JARID2: variants seen among roughly 807,000 people sequenced by gnomAD.
JARID2 encodes the protein protein Jumonji.
Under a neutral mutation model 125.6 loss-of-function variants are expected in JARID2, and 21 were observed. The ratio of observed to expected loss-of-function variants is 0.17; its 90% CI spans 0.12 to 0.24. The LOEUF is 0.24. Among genes scored for constraint, JARID2 ranks in the 10% least tolerant of loss-of-function variants. JARID2 has a pLI of 1.00. For synonymous variants in JARID2, 736 were observed against 661.6 expected (o/e 1.11, Z -1.73); for missense variants, 1,303 against 1,639.6 (o/e 0.79, Z 3.55).
chr6:15,346,978 C>T (rs1032954745), intron 1 of JARID2, among the ~76,000 whole-genome samples: 1 of 152,104 alleles, frequency 6.6e-6, no homozygotes, highest in Non-Finnish European at 1.5e-5. Flanking sequence ...TTGTGATCTG[C>T]CTGCCTCAGC....
At chr6:15,489,049 A>G (rs910302776) in intron 6 of JARID2, among the ~76,000 whole-genome samples, 7 of 152,228 alleles carry the variant, frequency 4.6e-5, no homozygotes, top group African/African-American at 1.7e-4. Context: ...AGAATTGTAC[A>G]GAACTCTCCA....
At chr6:15,310,171 G>T (rs570635425) in intron 1 of JARID2, among the ~76,000 whole-genome samples, 5 of 152,072 alleles carry the variant, frequency 3.3e-5, no homozygotes, top group Non-Finnish European at 7.4e-5. Context: ...CAGAGGTGCC[G>T]CACAAATGCC....
chr6:15,437,568 TTTTCTC>T (rs1156735779), intron 3 of JARID2, among the ~76,000 whole-genome samples: 1 of 152,146 alleles, frequency 6.6e-6, no homozygotes, highest in Non-Finnish European at 1.5e-5. Flanking sequence ...AAGAGGAACT[TTTTCTC>T]TACCCTCTTA....
intron 4 of JARID2, among the ~76,000 whole-genome samples, chr6:15,453,847 C>T (rs1768030487): frequency 6.6e-6 from 1 of 152,134 alleles, no homozygotes. Flanking sequence ...TTCCCGCCCT[C>T]AGTCCTGGAA....
chr6:15,344,104 A>ATTTT (rs58867061), intron 1 of JARID2, among the ~76,000 whole-genome samples: 3 of 89,166 alleles, frequency 3.4e-5, no homozygotes, highest in South Asian at 5.2e-4. Flanking sequence ...GTATGTAGTG[A>ATTTT]TTTTTTTTTT....
chr6:15,512,190 C>CTGGCCCT lies in JARID2; in HGVS notation c.2953-17_2953-11dup. 2 of 1,610,178 alleles carry CTGGCCCT rather than the reference C, an allele frequency of 1.2e-6. No homozygotes were observed. Among genetic ancestry groups the CTGGCCCT allele is most frequent in the Non-Finnish European group, 1.7e-6 (2 of 1,177,388 alleles). ...TGCGCACAGGGAGGGGTGCCTCAGC[C>CTGGCCCT]TGGCCCTGTCTCCCCAGATCTCCCC... On this transcript the variant is annotated splice_polypyrimidine_tract_variant and intron_variant, in intron 13 of 17. Transcript: ENST00000341776.
intron 1 of JARID2, among the ~76,000 whole-genome samples, chr6:15,368,493 A>G (rs1250994928): frequency 6.6e-6 from 1 of 152,162 alleles, no homozygotes; most frequent in Non-Finnish European, 1.5e-5. Flanking sequence ...ATCTTCTTGT[A>G]TGTGTTGGAT....
chr6:15,488,387 C>T (rs1769986341), intron 6 of JARID2, among the ~76,000 whole-genome samples: 1 of 152,230 alleles, frequency 6.6e-6, no homozygotes, highest in Admixed American at 6.5e-5. Context: ...CTCCTGTTCC[C>T]CCCTCCATTT....
At chr6:15,336,734 G>A (rs1762891666) in intron 1 of JARID2, among the ~76,000 whole-genome samples, 1 of 150,256 alleles carries the variant, frequency 6.7e-6, no homozygotes, top group Admixed American at 6.7e-5. Flanking sequence ...TAAAATTTAA[G>A]AGATGAGGTC....
chr6:15,341,229 AT>A (rs1005753918), intron 1 of JARID2, among the ~76,000 whole-genome samples: 7 of 152,012 alleles, frequency 4.6e-5, no homozygotes, highest in Admixed American at 1.3e-4. Flanking sequence ...TGCCCAGCCC[AT>A]TTTTTCTTGC....
chr6:15,248,656 C>A (rs1283903097), intron 1 of JARID2: 1 of 152,198 alleles, frequency 6.6e-6, no homozygotes, highest in Non-Finnish European at 1.5e-5. Flanking sequence ...TCCCCCGCCG[C>A]GCGCCGGCGC....
chr6:15,437,011 G>A (rs986129347), intron 3 of JARID2, among the ~76,000 whole-genome samples: 5 of 152,000 alleles, frequency 3.3e-5, no homozygotes, highest in African/African-American at 4.8e-5. Context: ...CTTAGAGCCC[G>A]ACTGCAGGCC....
chr6:15,396,400 C>A (rs988551760), intron 2 of JARID2, among the ~76,000 whole-genome samples: 2 of 152,170 alleles, frequency 1.3e-5, no homozygotes, highest in Non-Finnish European at 2.9e-5. Context: ...CTTAATCATT[C>A]TTAATCATAG....
chr6:15,406,817 A>G (rs919395101), intron 2 of JARID2, among the ~76,000 whole-genome samples: 2 of 152,204 alleles, frequency 1.3e-5, no homozygotes, highest in South Asian at 4.1e-4. Flanking sequence ...GGAGAACATT[A>G]CACATCTCTT....
intron 4 of JARID2, among the ~76,000 whole-genome samples, chr6:15,464,727 A>G (rs1008784454): frequency 6.6e-6 from 1 of 152,096 alleles, no homozygotes; most frequent in Non-Finnish European, 1.5e-5. Context: ...CTTCCATTCA[A>G]CATATTACCT....
intron 6 of JARID2, among the ~76,000 whole-genome samples, chr6:15,490,170 G>T (rs1284923832): frequency 6.6e-6 from 1 of 151,962 alleles, no homozygotes; most frequent in African/African-American, 2.4e-5. Flanking sequence ...TGATACAAGT[G>T]ATTAGACTGT....
intron 8 of JARID2, among the ~76,000 whole-genome samples, 183 bp downstream of exon 8, chr6:15,501,592 C>G (rs1031197751): frequency 6.6e-6 from 1 of 152,142 alleles, no homozygotes; most frequent in African/African-American, 2.4e-5. Flanking sequence ...ATACTACAGA[C>G]TGGGGAATTC....
At chr6:15,414,422 T>C (rs974722956) in intron 3 of JARID2, among the ~76,000 whole-genome samples, 2 of 152,228 alleles carry the variant, frequency 1.3e-5, no homozygotes, top group African/African-American at 4.8e-5. Flanking sequence ...GGGATCTTTT[T>C]AGCTATAGAA....
intron 3 of JARID2, among the ~76,000 whole-genome samples, chr6:15,425,980 TAGC>T (rs949702870): frequency 4.5e-4 from 68 of 152,288 alleles, no homozygotes; most frequent in African/African-American, 1.4e-3. Context: ...GACGTCCTAA[TAGC>T]ATGATGTGAG....
Sources: allele counts gnomAD v4.1 joint callset (sites outside exome capture counted in the v4.1 genomes callset), GRCh38; gene constraint gnomAD v4.1.1; transcripts MANE v1.5; gene names NCBI Gene and HGNC (gene_info 2026-07-23, HGNC 2026-07-21).